OBSL1: variants seen among roughly 807,000 people sequenced by gnomAD.
OBSL1 encodes the protein obscurin like cytoskeletal adaptor 1.
A neutral mutation model predicts 172.0 loss-of-function variants in OBSL1; 160 were observed. The ratio of observed to expected loss-of-function variants is 0.93; its 90% CI spans 0.82 to 1.06. The LOEUF (loss-of-function observed/expected upper bound fraction) is 1.06, where lower values mean the gene tolerates loss of function less well. Among genes scored for constraint, OBSL1 ranks in the 50% least tolerant of loss-of-function variants. The pLI is 0.00. For synonymous variants in OBSL1, 1,200 were observed against 1,196.3 expected (o/e 1.00, Z -0.06); for missense variants, 2,681 against 2,715.4 (o/e 0.99, Z 0.28).
In OBSL1 at chr2:219,556,588, G is replaced by A. The variant is rs202141932; in HGVS notation, c.4202C>T (p.Pro1401Leu). Residue 1401 changes from proline (P) to leucine (L), a missense_variant, in exon 13 of 21, where the codon CCA becomes CTA. Pro to Leu is a moderately conservative substitution (Grantham distance 98, BLOSUM62 -3). Transcript: ENST00000404537. ...TWLRNGAVVT[P>L]GPQVEMAQNG... ...CTGGGCCATCTCCACCTGGGGCCCT[G>A]GAGTGACGACGGCCCCATTGCGCAG... 1,517 of 1,614,010 alleles carry A rather than the reference G, an allele frequency of 9.4e-4. 10 individuals are homozygous for A. Among genetic ancestry groups the A allele is most frequent in the Non-Finnish European group, 3.9e-4 (461 of 1,179,896 alleles).
rs866192504 is a variant in OBSL1, at chr2:219,564,783, G to T, written c.2407+459C>A. Among the ~76,000 whole-genome samples the T allele has an allele frequency of 1.2e-4, 19 of 152,242 alleles. 1 individual carries two copies. The highest frequency in any genetic ancestry group is 4.6e-4 in the African/African-American group (19 of 41,538). ...GAGACCCTCATCTTAAAAAAAGAAA[G>T]AAAGAAAGAAAGCCAGGCATGGTGG... is the stretch of plus-strand genomic sequence containing the variant. On this transcript the variant is annotated intron_variant, in intron 6 of 20. Coordinates refer to ENST00000404537, the MANE Select transcript of OBSL1 (RefSeq NM_015311.3).
rs1697245964 is a variant in OBSL1, at chr2:219,570,313, A to G, written c.920T>C (p.Leu307Pro). The G allele has an allele frequency of 6.2e-7, 1 of 1,611,630 alleles. No individual in the cohort carries two copies. The highest frequency in any genetic ancestry group is 8.5e-7 in the Non-Finnish European group (1 of 1,178,650). ...DRDGGFVLKVLYCQAKDRGLY... is the reference protein window; with the variant it reads ...DRDGGFVLKVPYCQAKDRGLY... ...CCCACGATCCTTGGCCTGGCAGTAAAGCACCTTGAGCACGAAGCCGCCGTC... is the reference window on the plus strand; with the variant it reads ...CCCACGATCCTTGGCCTGGCAGTAAGGCACCTTGAGCACGAAGCCGCCGTC... The change falls in exon 1 of 21, where the codon CTT becomes CCT. Residue 307 changes from leucine (L) to proline (P), a missense_variant. This residue lies in a region of OBSL1 where 706 missense variants were observed against 695.8 expected (regional missense o/e 1.01). Coordinates refer to ENST00000404537, the MANE Select transcript of OBSL1 (RefSeq NM_015311.3).
intron 7 of OBSL1, 27 bp from the exon 8 acceptor site, chr2:219,562,701 G>A (rs932429750): frequency 1.3e-6 from 2 of 1,519,278 alleles, no homozygotes; most frequent in Non-Finnish European, 8.8e-7. Flanking sequence ...GCCACTGCCG[G>A]GCATGAGGGG....
At chr2:219,547,878 G>A, downstream of OBSL1, 4 of 1,596,162 alleles carry the variant, frequency 2.5e-6, no homozygotes, top group Non-Finnish European at 3.4e-6. Flanking sequence ...GCCGTGACTG[G>A]TGCTGCGCTG....
chr2:219,551,463 G>C (rs1252447356), intron 20 of OBSL1, 66 bp downstream of exon 20: 4 of 1,492,024 alleles, frequency 2.7e-6, no homozygotes, highest in Non-Finnish European at 2.7e-6. Flanking sequence ...TCCCATAGGT[G>C]TGGCTTAACC....
At chr2:219,550,616 C>T, downstream of OBSL1, 1 of 581,018 alleles carries the variant, frequency 1.7e-6, no homozygotes, top group African/African-American at 1.9e-5. Context: ...TGGTGGCTGG[C>T]ACTTTCATGG....
intron 4 of OBSL1, 55 bp downstream of exon 4, chr2:219,567,218 T>C (rs1178784031): frequency 1.9e-6 from 3 of 1,564,262 alleles, no homozygotes; most frequent in African/African-American, 2.7e-5. Flanking sequence ...GGACCAGCAC[T>C]GAGGGCTGGG....
chr2:219,549,697 C>A, downstream of OBSL1: 1 of 1,612,024 alleles, frequency 6.2e-7, no homozygotes, highest in South Asian at 1.1e-5. Flanking sequence ...GGACTCACAC[C>A]TATGTTTGCT....
Position 219,558,422 on chromosome 2 carries a change from G to A in OBSL1, c.3264C>T (p.Ser1088=), listed in dbSNP as rs765892626. ...PERIVHPAAR[S]LDLHFGAPGR... is the part of the protein sequence containing the mutation. ...CTGGAGCCCCAAAATGCAGATCCAG[G>A]GAGCGGGCTGCCGGGTGCACAATCC... Residue 1088 remains serine (S), a synonymous_variant, in exon 10 of 21, where the codon TCC becomes TCT. Transcript: ENST00000404537. The A allele has an allele frequency of 6.3e-7, 1 of 1,595,582 alleles. No homozygotes were observed. Among genetic ancestry groups the A allele is most frequent in the Admixed American group, 1.7e-5 (1 of 58,000 alleles).
At position 219,567,038 on chromosome 2, in the gene OBSL1, G is replaced by A. The variant is rs573091052; in HGVS notation, c.1926C>T (p.Ile642=). ...CATTAAGGAACCAGGTACCCTGGAT[G>A]ATGGTGGAGAGATCGAGGGAGAAGA... The part of the protein sequence containing the change: ...DAVFSLDLST[I]IQGTWFLNGE... Residue 642 remains isoleucine, a synonymous_variant, in exon 5 of 21, where the codon ATC becomes ATT. Transcript: ENST00000404537. 5.6e-6 allele frequency: 9 copies of A among 1,613,544 alleles called. No individual in the cohort carries two copies. Among genetic ancestry groups the A allele is most frequent in the Admixed American group, 1.7e-5 (1 of 60,018 alleles).
At chr2:219,559,585 C>T (rs1227544871) in intron 8 of OBSL1, 88 bp from the exon 9 acceptor site, 3 of 1,167,644 alleles carry the variant, frequency 2.6e-6, no homozygotes, top group South Asian at 3.0e-5. Context: ...CTATCACCCA[C>T]ATAATAATGA....
At chr2:219,552,355 C>T in intron 18 of OBSL1, 139 bp from the exon 19 acceptor site, 3 of 914,678 alleles carry the variant, frequency 3.3e-6, no homozygotes, top group Non-Finnish European at 4.9e-6. Context: ...GGATGCGGAG[C>T]GGGAAGCCTA....
intron 6 of OBSL1, 50 bp downstream of exon 6, chr2:219,565,192 C>T (rs1464260769): frequency 6.5e-7 from 1 of 1,543,540 alleles, no homozygotes. Flanking sequence ...GCTTATGCGG[C>T]CCCACAATCA....
At chr2:219,562,863 A>G in intron 7 of OBSL1, 189 bp from the exon 8 acceptor site, 1 of 658,150 alleles carries the variant, frequency 1.5e-6, no homozygotes, top group East Asian at 2.7e-5. Context: ...ACAAAAGCAC[A>G]GCAGACTTTC....
At chr2:219,548,843 G>A (rs564700781), downstream of OBSL1, among the ~76,000 whole-genome samples, 57 of 152,278 alleles carry the variant, frequency 3.7e-4, no homozygotes, top group African/African-American at 1.4e-3. Flanking sequence ...CAGTGAAGAA[G>A]CAGCTGTGAT....
downstream of OBSL1, chr2:219,547,772 T>C: frequency 6.3e-7 from 1 of 1,593,986 alleles, no homozygotes; most frequent in Non-Finnish European, 8.5e-7. Flanking sequence ...CCAGCCAGGC[T>C]CCGTGTGGGG....
Position 219,568,352 on chromosome 2 carries a change from GA to G in OBSL1, c.1013-29del. The G allele has an allele frequency of 6.4e-7, 1 of 1,574,160 alleles. No homozygotes were observed. Among genetic ancestry groups the G allele is most frequent in the Non-Finnish European group, 8.6e-7 (1 of 1,159,296 alleles). The stretch of plus-strand genomic sequence containing the variant: ...GTGGAGAGGGGAGAGAGAGACAAGA[GA>G]GGGCTCTGGAGAAGGCCCAGACTAG... On this transcript the variant is annotated intron_variant, in intron 1 of 20. Coordinates refer to ENST00000404537, the MANE Select transcript of OBSL1 (RefSeq NM_015311.3). The surrounding 1 kb of genome is among the most constrained non-coding windows in gnomAD (Gnocchi z 4.1).
intron 14 of OBSL1, chr2:219,555,643 CAG>C (rs1695943836): frequency 9.5e-7 from 1 of 1,052,940 alleles, no homozygotes; most frequent in Admixed American, 4.9e-5. Context: ...ACATAGGAAA[CAG>C]AGGGCTCCAG....
At chr2:219,555,148 A>G (rs544816870) in intron 14 of OBSL1, 6 of 201,428 alleles carry the variant, frequency 3.0e-5, no homozygotes, top group East Asian at 1.2e-4. Context: ...TACAAGGTGA[A>G]TAACATTGGG....
Sources: gnomAD v4.1 joint callset for allele counts (sites outside exome capture counted in the v4.1 genomes callset) on GRCh38, gnomAD v4.1.1 for gene constraint, gnomAD v4.1.1 regional missense constraint, Gnocchi (gnomAD v3.1) non-coding constraint, MANE v1.5 for transcripts, NCBI Gene and HGNC (gene_info 2026-07-23, HGNC 2026-07-21) for gene names.